KATNAL1: variants seen among roughly 807,000 people sequenced by gnomAD.
KATNAL1 encodes katanin catalytic subunit A1 like 1.
In KATNAL1, 32 loss-of-function variants were observed where a neutral mutation model predicts 55.2. The ratio of observed to expected loss-of-function variants is 0.58; its 90% CI spans 0.44 to 0.78. The LOEUF is 0.78. KATNAL1 is among the 30% of genes least tolerant of loss of function. The pLI is 0.00. For synonymous variants in KATNAL1, 193 were observed against 193.6 expected (o/e 1.00, Z 0.02); for missense variants, 466 against 600.9 (o/e 0.78, Z 2.35).
chr13:30,263,185 ACT>A (rs1486562031), intron 3 of KATNAL1, among the ~76,000 whole-genome samples: 1 of 152,070 alleles, frequency 6.6e-6, no homozygotes, highest in African/African-American at 2.4e-5. Flanking sequence ...CATGCTAAAA[ACT>A]CTCAATAAAT....
At chr13:30,259,709 C>A (rs1225978177) in intron 3 of KATNAL1, among the ~76,000 whole-genome samples, 1 of 152,222 alleles carries the variant, frequency 6.6e-6, no homozygotes, top group Non-Finnish European at 1.5e-5. Context: ...CCGCACCTGG[C>A]TCGGAGGGTC....
chr13:30,252,255 A>C (rs1160377308), intron 4 of KATNAL1, among the ~76,000 whole-genome samples: 1 of 152,234 alleles, frequency 6.6e-6, no homozygotes, highest in Non-Finnish European at 1.5e-5. Context: ...AAAAAGCTTC[A>C]AAGCGGGCTT....
At chr13:30,285,070 T>C (rs2137541998) in intron 1 of KATNAL1, among the ~76,000 whole-genome samples, 1 of 152,370 alleles carries the variant, frequency 6.6e-6, no homozygotes. Flanking sequence ...ACTCTGACTC[T>C]CAATCTCTTA....
chr13:30,278,044 T>G (rs974236021), intron 3 of KATNAL1, among the ~76,000 whole-genome samples: 4 of 151,202 alleles, frequency 2.6e-5, no homozygotes, highest in African/African-American at 9.7e-5. Flanking sequence ...CTTATATTGT[T>G]AATTGATGAA....
intron 6 of KATNAL1, among the ~76,000 whole-genome samples, chr13:30,232,715 T>C (rs1031304856): frequency 2.6e-5 from 4 of 152,176 alleles, no homozygotes; most frequent in African/African-American, 7.2e-5. Flanking sequence ...TGTACGATAT[T>C]TATAAACTTC....
intron 8 of KATNAL1, among the ~76,000 whole-genome samples, chr13:30,228,941 TAA>T (rs1274035844): frequency 1.3e-5 from 2 of 152,084 alleles, no homozygotes; most frequent in African/African-American, 4.8e-5. Context: ...TTTGCTACGT[TAA>T]AGTCTTGCTA....
chr13:30,231,156 C>T (rs754675943), intron 7 of KATNAL1, among the ~76,000 whole-genome samples, 158 bp downstream of exon 7: 9 of 152,192 alleles, frequency 5.9e-5, no homozygotes, highest in Non-Finnish European at 1.2e-4. Flanking sequence ...AACTACCCCA[C>T]AAAACCCATC....
chr13:30,233,622 T>C (rs1480574968), intron 6 of KATNAL1, among the ~76,000 whole-genome samples: 1 of 150,138 alleles, frequency 6.7e-6, no homozygotes, highest in Non-Finnish European at 1.5e-5. Context: ...GAAATCGATA[T>C]GTCGAAGAAT....
intron 6 of KATNAL1, among the ~76,000 whole-genome samples, chr13:30,235,864 T>C (rs933379859): frequency 2.6e-5 from 4 of 151,956 alleles, no homozygotes; most frequent in Non-Finnish European, 5.9e-5. Flanking sequence ...AAAAAAATCA[T>C]TGAATAGCCT....
intron 4 of KATNAL1, among the ~76,000 whole-genome samples, chr13:30,244,978 G>A (rs1365542452): frequency 6.6e-6 from 1 of 151,632 alleles, no homozygotes; most frequent in Non-Finnish European, 1.5e-5. Flanking sequence ...GGTAAAAAGA[G>A]GAGCTGGTAT....
chr13:30,292,106 A>G (rs1243404502), intron 1 of KATNAL1, among the ~76,000 whole-genome samples: 4 of 152,212 alleles, frequency 2.6e-5, no homozygotes, highest in African/African-American at 9.6e-5. Flanking sequence ...AGATCAGTGA[A>G]AGAAACTAGA....
rs1215738755 is a variant in KATNAL1 at position 30,207,662 on chromosome 13, G to C, written c.*878C>G. 2.0e-5 allele frequency: 3 copies of C among 152,282 alleles called. No homozygotes were observed. Among genetic ancestry groups the C allele is most frequent in the Non-Finnish European group, 2.9e-5 (2 of 68,098 alleles). The allele number at this position is 152,282 out of a possible 1,614,324, so 9.4% of individuals were successfully genotyped here. A position where few individuals can be genotyped will look rare whatever the true frequency, so the allele number is the denominator to read the frequency against. On this transcript the variant is annotated 3_prime_UTR_variant, in exon 11 of 11. Coordinates refer to ENST00000380615, the MANE Select transcript of KATNAL1 (RefSeq NM_032116.5). The stretch of plus-strand genomic sequence containing the variant: ...CGCACCTGTAATCCCAGCTACTTGG[G>C]AGGCTGAGACAGGAGAATTGCTTGA...
chr13:30,304,489 CGATCTCTT>C (rs1326092202), intron 1 of KATNAL1, among the ~76,000 whole-genome samples: 4 of 152,124 alleles, frequency 2.6e-5, no homozygotes, highest in African/African-American at 9.7e-5. Flanking sequence ...AGGATGGTCT[CGATCTCTT>C]GATCTCCTGA....
chr13:30,234,103 A>G (rs1876400157), intron 6 of KATNAL1, among the ~76,000 whole-genome samples: 1 of 152,216 alleles, frequency 6.6e-6, no homozygotes, highest in South Asian at 2.1e-4. Context: ...GGTGGTGGAT[A>G]TCCCATTTAT....
chr13:30,285,207 T>C (rs1167478863), intron 1 of KATNAL1, among the ~76,000 whole-genome samples: 1 of 152,210 alleles, frequency 6.6e-6, no homozygotes, highest in Non-Finnish European at 1.5e-5. Flanking sequence ...TTTCCTCTTA[T>C]AAGGTTCCAT....
Position 30,255,540 on chromosome 13 carries a change from C to T in KATNAL1, c.399G>A (p.Arg133=). 1 of 1,596,546 alleles carries T rather than the reference C, an allele frequency of 6.3e-7. No individual in the cohort carries two copies. The highest frequency in any genetic ancestry group is 8.5e-7 in the Non-Finnish European group (1 of 1,170,972). Residue 133 remains arginine (R), a synonymous_variant, in exon 4 of 11, where the codon CGG becomes CGA. Transcript: ENST00000380615. ...LRKEMAGVGA[R]GPVGRAHPIS... ...TAGGATGTGCTCGGCCTACAGGTCC[C>T]CGGGCTCCTACTCCTGCCATTTCTT... is the stretch of plus-strand genomic sequence containing the variant.
intron 9 of KATNAL1, among the ~76,000 whole-genome samples, chr13:30,221,474 A>C (rs1465434378): frequency 6.6e-6 from 1 of 152,270 alleles, no homozygotes; most frequent in Admixed American, 6.5e-5. Context: ...GTGAAGAAGC[A>C]GAAAAATATG....
chr13:30,282,383 A>G (rs1196287563), intron 2 of KATNAL1, among the ~76,000 whole-genome samples: 3 of 152,192 alleles, frequency 2.0e-5, no homozygotes, highest in Admixed American at 6.5e-5. Flanking sequence ...CACACATGTA[A>G]TACCAGTGCT....
intron 3 of KATNAL1, among the ~76,000 whole-genome samples, chr13:30,275,765 T>A (rs925249800): frequency 1.1e-4 from 16 of 152,114 alleles, no homozygotes; most frequent in African/African-American, 2.9e-4. Flanking sequence ...AATTAGCTTA[T>A]TGTGATAAAT....
Sources: allele counts gnomAD v4.1 joint callset (sites outside exome capture counted in the v4.1 genomes callset), GRCh38; gene constraint gnomAD v4.1.1; transcripts MANE v1.5; gene names NCBI Gene and HGNC (gene_info 2026-07-23, HGNC 2026-07-21).